The following NCAPG2 variants were observed in gnomAD, a reference collection of about 807,000 sequenced individuals.
NCAPG2 encodes the protein non-SMC condensin II complex subunit G2.
In NCAPG2, 53 loss-of-function variants were observed where a neutral mutation model predicts 141.1. The observed-to-expected ratio is 0.38, with a 90% CI of 0.30 to 0.47. The LOEUF is 0.47. NCAPG2 is among the 20% of genes least tolerant of loss of function. The pLI is 0.99. For synonymous variants in NCAPG2, 499 were observed against 490.7 expected (o/e 1.02, Z -0.22); for missense variants, 1,087 against 1,389.0 (o/e 0.78, Z 3.46).
chr7:158,651,634 G>A (rs1268293086), intron 23 of NCAPG2, among the ~76,000 whole-genome samples: 1 of 152,168 alleles, frequency 6.6e-6, no homozygotes, highest in Non-Finnish European at 1.5e-5. Flanking sequence ...CACGTGGTAC[G>A]AGAACTGACA....
At position 158,638,389 on chromosome 7, in the gene NCAPG2, G is replaced by GCTAC. The variant is rs148319158; in HGVS notation, c.3380+5896_3380+5899dup. ...CATGTAGCTGGGACTATAGGCACAT[G>GCTAC]CTACCACACCTGTCTAATATTTGTA... On this transcript the variant is annotated intron_variant, in intron 27 of 27. Coordinates refer to ENST00000356309, the MANE Select transcript of NCAPG2 (RefSeq NM_017760.7). Among the ~76,000 whole-genome samples, 753 of 152,212 alleles carry GCTAC rather than the reference G, an allele frequency of 4.9e-3. 42 individuals carry two copies. The East Asian group carries it at 0.12, about 24-fold the overall frequency.
intron 27 of NCAPG2, among the ~76,000 whole-genome samples, chr7:158,638,192 C>T (rs1433507835): frequency 6.6e-6 from 1 of 152,144 alleles, no homozygotes; most frequent in Non-Finnish European, 1.5e-5. Context: ...CTATCCGAAT[C>T]ACTGCGTGGT....
intron 3 of NCAPG2, 103 bp downstream of exon 3, chr7:158,693,206 C>T: frequency 7.7e-7 from 1 of 1,302,172 alleles, no homozygotes; most frequent in Non-Finnish European, 1.1e-6. Context: ...TGACTTCTAA[C>T]TTCAAAATCT....
intron 22 of NCAPG2, 62 bp from the exon 23 acceptor site, chr7:158,652,542 C>T: frequency 1.6e-6 from 2 of 1,283,946 alleles, no homozygotes; most frequent in Non-Finnish European, 1.1e-6. Flanking sequence ...AATCATTACA[C>T]ATTTCTCACT....
rs2129460041 is a variant in NCAPG2 at position 158,662,177 on chromosome 7, T to C, written c.1989+17A>G. Reference sequence around the variant, plus strand: ...AACCTTAATATACCTTGCTTACAAGTATAGTTCAAGACTTACCTTAAATAC... The same window carrying C: ...AACCTTAATATACCTTGCTTACAAGCATAGTTCAAGACTTACCTTAAATAC... On this transcript the variant is annotated intron_variant, in intron 16 of 27. Transcript: ENST00000356309. The C allele has an allele frequency of 6.3e-7, 1 of 1,579,704 alleles. No homozygotes were observed. The highest frequency in any genetic ancestry group is 1.2e-5 in the South Asian group (1 of 81,696).
intron 11 of NCAPG2, among the ~76,000 whole-genome samples, chr7:158,676,737 G>A (rs542261379): frequency 3.9e-5 from 6 of 152,108 alleles, no homozygotes; most frequent in East Asian, 3.9e-4. Context: ...TATTAGAAAC[G>A]TTGAAAAACA....
chr7:158,664,148 G>C (rs767897179), intron 15 of NCAPG2, 36 bp downstream of exon 15: 1 of 1,478,246 alleles, frequency 6.8e-7, no homozygotes, highest in Non-Finnish European at 9.5e-7. Flanking sequence ...ATGCCACTGA[G>C]GCACTATCTG....
chr7:158,645,111 C>T (rs1385857609), intron 26 of NCAPG2, among the ~76,000 whole-genome samples: 4 of 152,102 alleles, frequency 2.6e-5, no homozygotes, highest in African/African-American at 7.2e-5. Flanking sequence ...CTAAGGCTTA[C>T]GAGAAATAGT....
In NCAPG2 at chr7:158,631,587, A is replaced by G; in HGVS notation, c.*79T>C. The G allele has an allele frequency of 7.5e-7, 1 of 1,329,446 alleles. No homozygotes were observed. The highest frequency in any genetic ancestry group is 1.5e-5 in the African/African-American group (1 of 68,588). The allele number at this position is 1,329,446 out of a possible 1,614,324, so 82.4% of individuals were successfully genotyped here. A position where few individuals can be genotyped will look rare whatever the true frequency, so the allele number is the denominator to read the frequency against. On this transcript the variant is annotated 3_prime_UTR_variant, in exon 28 of 28. Transcript: ENST00000356309. ...CCTATTATATGGGTTATTAACATTA[A>G]AAACAATAGGAAAATACACAGGCAT...
rs956666944 is a variant in NCAPG2 at position 158,667,231 on chromosome 7, C to T, written c.1480-2481G>A. The T allele has an allele frequency of 7.1e-6, 7 of 985,456 alleles. No homozygotes were observed. The East Asian group carries it at 3.4e-4, about 48-fold the overall frequency. The allele number at this position is 985,456 out of a possible 1,614,324, so 61.0% of individuals were successfully genotyped here. ...GTTCTGCCTTCTTCCTCTGCTCTGG[C>T]GCCCAAACTTCCTGGTGGGCCAGAG... On this transcript the variant is annotated intron_variant, in intron 13 of 27. Coordinates refer to ENST00000356309, the MANE Select transcript of NCAPG2 (RefSeq NM_017760.7).
At chr7:158,700,363 C>A (rs1189989108) in intron 2 of NCAPG2, among the ~76,000 whole-genome samples, 1 of 152,222 alleles carries the variant, frequency 6.6e-6, no homozygotes, top group East Asian at 1.9e-4. Flanking sequence ...AAACAACGCA[C>A]CCCAGAAGGG....
intron 9 of NCAPG2, 35 bp downstream of exon 9, chr7:158,683,265 A>T (rs918793699): frequency 9.9e-6 from 14 of 1,411,490 alleles, no homozygotes; most frequent in African/African-American, 3.0e-5. Context: ...AACAGAGGAA[A>T]CATTATTTCA....
chr7:158,641,680 A>T, intron 27 of NCAPG2: 1 of 451,452 alleles, frequency 2.2e-6, no homozygotes, highest in Non-Finnish European at 3.9e-6. Flanking sequence ...GAATTATCAG[A>T]GATAAAGAAG....
At chr7:158,641,725 A>T (rs916007156) in intron 27 of NCAPG2, among the ~76,000 whole-genome samples, 3 of 152,244 alleles carry the variant, frequency 2.0e-5, no homozygotes, top group African/African-American at 7.2e-5. Flanking sequence ...AACAATCATC[A>T]ATGTGTGGAC....
chr7:158,656,133 C>G, intron 19 of NCAPG2, 127 bp downstream of exon 19: 1 of 1,233,200 alleles, frequency 8.1e-7, no homozygotes. Flanking sequence ...AATGAGGTGA[C>G]ATGATCACTC....
intron 13 of NCAPG2, chr7:158,668,411 GTT>G: frequency 1.0e-6 from 1 of 977,462 alleles, no homozygotes; most frequent in Non-Finnish European, 1.2e-6. Flanking sequence ...ACTGTTTTCT[GTT>G]TTGTTTTACT....
intron 4 of NCAPG2, among the ~76,000 whole-genome samples, chr7:158,691,217 G>T (rs1358875143): frequency 6.6e-6 from 1 of 152,186 alleles, no homozygotes; most frequent in Non-Finnish European, 1.5e-5. Flanking sequence ...TAACAGAAAA[G>T]CTCAATAATT....
chr7:158,644,907 C>T (rs1354680106), intron 26 of NCAPG2, among the ~76,000 whole-genome samples: 1 of 152,184 alleles, frequency 6.6e-6, no homozygotes, highest in Non-Finnish European at 1.5e-5. Context: ...AATAGAAGCA[C>T]TCCCTATCTA....
chr7:158,631,753 A>G, intron 27 of NCAPG2, 36 bp from the exon 28 acceptor site: 1 of 1,476,896 alleles, frequency 6.8e-7, no homozygotes, highest in Non-Finnish European at 9.4e-7. Context: ...AGCTACAGAA[A>G]AAAGTGACCA....
Sources: gnomAD v4.1 joint callset for allele counts (sites outside exome capture counted in the v4.1 genomes callset) on GRCh38, gnomAD v4.1.1 for gene constraint, MANE v1.5 for transcripts, NCBI Gene and HGNC (gene_info 2026-07-23, HGNC 2026-07-21) for gene names.